The following THBS1 variants were observed in gnomAD, a reference collection of about 807,000 sequenced individuals.
THBS1 encodes the protein thrombospondin-1.
In THBS1, 29 loss-of-function variants were observed where a neutral mutation model predicts 126.1. The observed-to-expected ratio is 0.23, with a 90% confidence interval of 0.17 to 0.31. The LOEUF is 0.31. THBS1 is among the 10% of genes least tolerant of loss of function. The probability of loss-of-function intolerance (pLI) is 1.00; values close to 1 mark genes in which losing one functional copy is unlikely to be tolerated. For missense variants in THBS1, 1,198 were observed against 1,545.2 expected, an observed-to-expected ratio of 0.78 and a Z score of 3.77; for synonymous variants, 496 against 577.8, an observed-to-expected ratio of 0.86 and a Z score of 2.03.
chr15:39,591,051 A>G, intron 14 of THBS1, 140 bp from the exon 15 acceptor site: 1 of 951,840 alleles, frequency 1.1e-6, no homozygotes, highest in Non-Finnish European at 1.6e-6. Flanking sequence ...ATCGTTTTAC[A>G]CTGAGTGATC....
Position 39,581,111 on chromosome 15 carries a change from G to A in THBS1, c.-147G>A, listed in dbSNP as rs967293327. On this transcript the variant is annotated 5_prime_UTR_variant, in exon 1 of 22. Transcript: ENST00000260356. Reference sequence around the variant, plus strand: ...GCGCCCGAGCTGGCCTGCGAGTTCAGGGCTCCTGTCGCTCTCCAGGAGCAA... The same window carrying A: ...GCGCCCGAGCTGGCCTGCGAGTTCAAGGCTCCTGTCGCTCTCCAGGAGCAA... The A allele has an allele frequency of 1.3e-5, 2 of 152,686 alleles. No homozygotes were observed. The highest frequency in any genetic ancestry group is 1.9e-4 in the East Asian group (1 of 5,190). 9.5% of individuals were successfully genotyped at this position (152,686 alleles called of 1,614,324 possible).
In THBS1 at chr15:39,589,513, T is replaced by C. The variant is rs1890285194; in HGVS notation, c.1926+159T>C. Among the ~76,000 whole-genome samples the C allele has an allele frequency of 6.6e-6, 1 of 152,112 alleles. No individual in the cohort carries two copies. The highest frequency in any genetic ancestry group is 1.5e-5 in the Non-Finnish European group (1 of 68,006). On this transcript the variant is annotated intron_variant, in intron 12 of 21. Transcript: ENST00000260356. The surrounding 1 kb of genome is among the most constrained non-coding windows in gnomAD (Gnocchi z 4.7). The stretch of plus-strand genomic sequence containing the variant: ...TTTAGAAACGTGATTAGAAAATCCA[T>C]GGTAAATCCTGCAGGGGAAAAACAG...
intron 21 of THBS1, 86 bp from the exon 22 acceptor site, chr15:39,595,276 A>G (rs1890412392): frequency 4.6e-6 from 4 of 878,044 alleles, no homozygotes; most frequent in Non-Finnish European, 6.5e-6. Context: ...AGCTATTCCT[A>G]TGTGGTTAAC....
In THBS1 at chr15:39,582,481, T is replaced by C. The variant is rs763379375; in HGVS notation, c.356T>C (p.Val119Ala). The C allele has an allele frequency of 1.9e-6, 3 of 1,614,028 alleles. No homozygotes were observed. The South Asian group carries it at 3.3e-5, about 18-fold the overall frequency. The stretch of plus-strand genomic sequence containing the variant: ...GACCACTCTGGCCAGGTCTTCAGCG[T>C]GGTGTCCAATGGCAAGGCGGGCACC... ...RKDHSGQVFS[V>A]VSNGKAGTLD... The change falls in exon 3 of 22, where the codon GTG becomes GCG. Residue 119 changes from valine (V) to alanine (A), a missense_variant. Physicochemically the swap from Val to Ala is moderately conservative, Grantham distance 64. Around this residue, in one of 4 missense-constraint regions of THBS1, gnomAD observed 271 missense variants for 277.0 expected, o/e 0.98. Coordinates refer to ENST00000260356, the MANE Select transcript of THBS1 (RefSeq NM_003246.4).
At chr15:39,590,174 A>G (rs1163513337) in intron 13 of THBS1, 151 bp downstream of exon 13, 1 of 823,036 alleles carries the variant, frequency 1.2e-6, no homozygotes, top group African/African-American at 1.7e-5. Flanking sequence ...TATTAAAATT[A>G]AATCACTTGG....
rs950091001 is a variant in THBS1, at chr15:39,598,765, A to G, written c.*3396A>G. On this transcript the variant is annotated 3_prime_UTR_variant, in exon 22 of 22. Transcript: ENST00000260356. Reference sequence around the variant, plus strand: ...ATGTGTTGTGGGAGAGCTCGAGTGAAGAGCAATAAACTCCAGGTCTTATAA... The same window carrying G: ...ATGTGTTGTGGGAGAGCTCGAGTGAGGAGCAATAAACTCCAGGTCTTATAA... The G allele has an allele frequency of 6.6e-6, 1 of 152,132 alleles. No individual in the cohort carries two copies. The highest frequency in any genetic ancestry group is 2.4e-5 in the African/African-American group (1 of 41,424). 9.4% of individuals were successfully genotyped at this position (152,132 alleles called of 1,614,324 possible). A position where few individuals can be genotyped will look rare whatever the true frequency, so the allele number is the denominator to read the frequency against.
rs538932177 is a variant in THBS1, at chr15:39,583,874, G to T, written c.704-114G>T. The T allele has an allele frequency of 8.9e-6, 12 of 1,350,722 alleles. No homozygotes were observed. In the African/African-American group the frequency reaches 1.7e-4, roughly 20 times the overall value. The allele number at this position is 1,350,722 out of a possible 1,614,324, so 83.7% of individuals were successfully genotyped here. A position where few individuals can be genotyped will look rare whatever the true frequency, so the allele number is the denominator to read the frequency against. ...CACGTATACACACGTGCGCATACAC[G>T]CAACCCCTCTACCTGCATCCTTCAC... On this transcript the variant is annotated intron_variant, in intron 4 of 21. Coordinates refer to ENST00000260356, the MANE Select transcript of THBS1 (RefSeq NM_003246.4).
Position 39,592,907 on chromosome 15 carries a change from A to C in THBS1, c.2768-93A>C. The C allele has an allele frequency of 6.5e-7, 1 of 1,546,842 alleles. No individual in the cohort carries two copies. The highest frequency in any genetic ancestry group is 1.2e-5 in the South Asian group (1 of 86,310). ...AGCATTTGACAGGATGAAGGGACCA[A>C]ATGCCAACTTAGACAAGATAGTGAC... On this transcript the variant is annotated intron_variant, in intron 17 of 21. Transcript: ENST00000260356. This position sits in a 1 kb window ranked among gnomAD's most constrained non-coding sequence, Gnocchi z 4.3.
chr15:39,582,603 G>C lies in THBS1; in HGVS notation c.478G>C (p.Val160Leu). 6.2e-7 allele frequency: 1 copy of C among 1,614,126 alleles called. No homozygotes were observed. Among genetic ancestry groups the C allele is most frequent in the Non-Finnish European group, 8.5e-7 (1 of 1,180,042 alleles). ...TGQWKSITLF[V>L]QEDRAQLYID... ...CCAGTGGAAGAGCATCACCCTGTTT[G>C]TGCAGGAAGACAGGGCCCAGCTGTA... is the stretch of plus-strand genomic sequence containing the variant. The change falls in exon 3 of 22, where the codon GTG becomes CTG. Residue 160 changes from valine (V) to leucine (L), a missense_variant. Around this residue, in one of 4 missense-constraint regions of THBS1, gnomAD observed 271 missense variants for 277.0 expected, o/e 0.98. Coordinates refer to ENST00000260356, the MANE Select transcript of THBS1 (RefSeq NM_003246.4).
rs1046872317 is a variant in THBS1, at chr15:39,592,109, GTA to G, written c.2533-456_2533-455del. On this transcript the variant is annotated intron_variant, in intron 16 of 21. Transcript: ENST00000260356. This position sits in a 1 kb window ranked among gnomAD's most constrained non-coding sequence, Gnocchi z 4.3. ...CCCTGTCATAAACATTACCCAGACA[GTA>G]TACAACACAGGGACCAGTGGTCTGT... is the stretch of plus-strand genomic sequence containing the variant. Among the ~76,000 whole-genome samples the G allele has an allele frequency of 6.6e-6, 1 of 152,198 alleles. No homozygotes were observed. Among genetic ancestry groups the G allele is most frequent in the Non-Finnish European group, 1.5e-5 (1 of 68,046 alleles).
At position 39,598,861 on chromosome 15, in the gene THBS1, C is replaced by A. The variant is rs868805198; in HGVS notation, c.*3492C>A. On this transcript the variant is annotated 3_prime_UTR_variant, in exon 22 of 22. Coordinates refer to ENST00000260356, the MANE Select transcript of THBS1 (RefSeq NM_003246.4). Reference sequence around the variant, plus strand: ...AAAGAGTCACATGTAGAAAAGCCTCCAGTATTAAGCTCCTGAATTCATTCC... The same window carrying A: ...AAAGAGTCACATGTAGAAAAGCCTCAAGTATTAAGCTCCTGAATTCATTCC... 6.6e-6 allele frequency: 1 copy of A among 151,984 alleles called. No individual in the cohort carries two copies. Among genetic ancestry groups the A allele is most frequent in the Non-Finnish European group, 1.5e-5 (1 of 67,984 alleles). 9.4% of individuals were successfully genotyped at this position (151,984 alleles called of 1,614,324 possible). A position where few individuals can be genotyped will look rare whatever the true frequency, so the allele number is the denominator to read the frequency against.
chr15:39,590,009 T>C lies in THBS1; in HGVS notation c.2131T>C (p.Tyr711His). The C allele has an allele frequency of 6.2e-7, 1 of 1,604,416 alleles. No homozygotes were observed. Among genetic ancestry groups the C allele is most frequent in the Non-Finnish European group, 8.5e-7 (1 of 1,175,322 alleles). ...CCTGGTGTGCGTGGCCAATGCGACT[T>C]ACCACTGCAAAAAGGTAGAGCCAGG... is the stretch of plus-strand genomic sequence containing the variant. ...ENLVCVANATYHCKKDNCPNL... is the reference protein window; with the variant it reads ...ENLVCVANATHHCKKDNCPNL... Residue 711 changes from tyrosine (Y) to histidine (H), a missense_variant, in exon 13 of 22, where the codon TAC (tyrosine) becomes CAC (histidine). Transcript: ENST00000260356.
chr15:39,587,241 A>C, intron 7 of THBS1, 106 bp from the exon 8 acceptor site: 1 of 1,089,086 alleles, frequency 9.2e-7, no homozygotes, highest in Non-Finnish European at 1.3e-6. Context: ...AGAAATAAAT[A>C]TATTGCTTTT....
chr15:39,593,221 G>A lies in THBS1; in HGVS notation c.2989G>A (p.Ala997Thr), dbSNP rs368416842. 3.7e-6 allele frequency: 6 copies of A among 1,613,746 alleles called. No homozygotes were observed. The highest frequency in any genetic ancestry group is 2.2e-5 in the East Asian group (1 of 44,896). The change falls in exon 18 of 22, where the codon GCT becomes ACT. Residue 997 changes from alanine to threonine, a missense_variant. Physicochemically the swap from Ala to Thr is moderately conservative, Grantham distance 58. Coordinates refer to ENST00000260356, the MANE Select transcript of THBS1 (RefSeq NM_003246.4). The surrounding 1 kb of genome is among the most constrained non-coding windows in gnomAD (Gnocchi z 5.9). Reference sequence around the variant, plus strand: ...GACTGTCAACTGTGATCCTGGACTCGCTGTAGGTGAGTAGCGAGTTCTTAG... The same window carrying A: ...GACTGTCAACTGTGATCCTGGACTCACTGTAGGTGAGTAGCGAGTTCTTAG... ...VQTVNCDPGLAVGYDEFNAVD... is the reference protein window; with the variant it reads ...VQTVNCDPGLTVGYDEFNAVD...
At chr15:39,582,044 G>A (rs1460144977) in intron 2 of THBS1, 120 bp downstream of exon 2, 3 of 1,336,706 alleles carry the variant, frequency 2.2e-6, no homozygotes, top group Middle Eastern at 1.8e-4. Context: ...TCAGGACGCA[G>A]CTTCACTCTG....
rs1197560451 is a variant in THBS1 at position 39,589,923 on chromosome 15, A to T, written c.2045A>T (p.Tyr682Phe). The change falls in exon 13 of 22, where the codon TAC becomes TTC. Residue 682 changes from tyrosine to phenylalanine, a missense_variant. Physicochemically the swap from Tyr to Phe is conservative, Grantham distance 22. Transcript: ENST00000260356. This position sits in a 1 kb window ranked among gnomAD's most constrained non-coding sequence, Gnocchi z 4.7. Reference sequence around the variant, plus strand: ...TACCGCTGCGAGTGCAAGCCTGGCTACGCTGGCAATGGCATCATCTGCGGG... The same window carrying T: ...TACCGCTGCGAGTGCAAGCCTGGCTTCGCTGGCAATGGCATCATCTGCGGG... ...PMYRCECKPG[Y>F]AGNGIICGED... The T allele has an allele frequency of 6.2e-7, 1 of 1,614,222 alleles. No individual in the cohort carries two copies.
rs763546056 is a variant in THBS1 at position 39,582,525 on chromosome 15, G to A, written c.400G>A (p.Val134Ile). 5.0e-6 allele frequency: 8 copies of A among 1,614,126 alleles called. No homozygotes were observed. The highest frequency in any genetic ancestry group is 1.1e-5 in the South Asian group (1 of 91,066). ...KAGTLDLSLT[V>I]QGKQHVVSVE... ...GGGCACCCTGGACCTCAGCCTGACC[G>A]TCCAAGGAAAGCAGCACGTGGTGTC... Residue 134 changes from valine (V) to isoleucine (I), a missense_variant, in exon 3 of 22, where the codon GTC becomes ATC. Val to Ile is a conservative substitution (Grantham distance 29, BLOSUM62 3). Coordinates refer to ENST00000260356, the MANE Select transcript of THBS1 (RefSeq NM_003246.4).
In THBS1 at chr15:39,584,700, A is replaced by G. The variant is rs117749062; in HGVS notation, c.1026+278A>G. 7.3e-3 allele frequency among the ~76,000 whole-genome samples: 1,110 copies of G among 152,282 alleles called. 10 individuals carry two copies. Among genetic ancestry groups the G allele is most frequent in the South Asian group, 0.019 (94 of 4,822 alleles). ...ATTTACCTACCTTAGTTCAAAGACT[A>G]AGTGTTGAATGTCAGGTAAATAAAA... On this transcript the variant is annotated intron_variant, in intron 6 of 21. Transcript: ENST00000260356.
intron 13 of THBS1, 24 bp from the exon 14 acceptor site, chr15:39,590,492 T>G: frequency 6.3e-7 from 1 of 1,576,004 alleles, no homozygotes; most frequent in Non-Finnish European, 8.7e-7. Flanking sequence ...ACTGAAGCAG[T>G]GATATATATC....
Sources: allele counts gnomAD v4.1 joint callset (sites outside exome capture counted in the v4.1 genomes callset), GRCh38; gene constraint gnomAD v4.1.1; regional missense constraint gnomAD v4.1.1; non-coding constraint Gnocchi (gnomAD v3.1); transcripts MANE v1.5; gene names NCBI Gene and HGNC (gene_info 2026-07-23, HGNC 2026-07-21).